Variants in LIFR observed in about 807,000 individuals in gnomAD.
The protein encoded by LIFR is leukemia inhibitory factor receptor.
A neutral mutation model predicts 122.2 loss-of-function variants in LIFR; 84 were observed. The ratio of observed to expected loss-of-function variants is 0.69; its 90% CI spans 0.58 to 0.82. The LOEUF is 0.82. Among genes scored for constraint, LIFR ranks in the 40% least tolerant of loss-of-function variants. The probability of loss-of-function intolerance (pLI) is 0.00; values close to 1 mark genes in which losing one functional copy is unlikely to be tolerated. For missense variants in LIFR, 1,294 were observed against 1,311.6 expected (o/e 0.99, Z 0.21); for synonymous variants, 422 against 434.7 (o/e 0.97, Z 0.36).
chr5:38,592,440 C>T (rs2010129), intron 1 of LIFR, among the ~76,000 whole-genome samples: 125,607 of 152,128 alleles, frequency 0.83, 52,023 homozygotes, highest in East Asian at 0.96. Flanking sequence ...GGCAGATCAG[C>T]TGAGGCCAGG....
chr5:38,492,767 G>A (rs1037893699), intron 14 of LIFR, among the ~76,000 whole-genome samples: 1 of 152,118 alleles, frequency 6.6e-6, no homozygotes, highest in East Asian at 1.9e-4. Context: ...TCCCTAACAC[G>A]CGAGGGAGGC....
chr5:38,530,510 T>A lies in LIFR; in HGVS notation c.138A>T (p.Lys46Asn). The change falls in exon 2 of 20, where the codon AAA (lysine) becomes AAT (asparagine). Residue 46 changes from lysine (K) to asparagine (N), a missense_variant. Lys to Asn is a moderately conservative substitution (Grantham distance 94, BLOSUM62 0). Coordinates refer to ENST00000453190, the MANE Select transcript of LIFR (RefSeq NM_001127671.2). ...CTGGAAGGCTGATGCACTTACCCTTTTTCTGGCTATTTACTTGATTCATTA... is the reference window on the plus strand; with the variant it reads ...CTGGAAGGCTGATGCACTTACCCTTATTCTGGCTATTTACTTGATTCATTA... ...LYLMNQVNSQKKGAPHDLKCV... is the reference protein window; with the variant it reads ...LYLMNQVNSQNKGAPHDLKCV... The A allele has an allele frequency of 6.2e-7, 1 of 1,612,366 alleles. No individual in the cohort carries two copies. The highest frequency in any genetic ancestry group is 8.5e-7 in the Non-Finnish European group (1 of 1,178,450).
chr5:38,552,494 A>T (rs1382592285), intron 1 of LIFR, among the ~76,000 whole-genome samples: 1 of 152,238 alleles, frequency 6.6e-6, no homozygotes, highest in East Asian at 1.9e-4. Context: ...CATCTGGCCC[A>T]AAGAATTAAA....
chr5:38,499,799 G>A (rs1003532650), intron 11 of LIFR, among the ~76,000 whole-genome samples: 1 of 152,134 alleles, frequency 6.6e-6, no homozygotes, highest in Non-Finnish European at 1.5e-5. Context: ...CTGCAGGCCA[G>A]CTGTACTGAT....
At chr5:38,538,862 C>G (rs1387855848) in intron 1 of LIFR, among the ~76,000 whole-genome samples, 1 of 152,220 alleles carries the variant, frequency 6.6e-6, no homozygotes, top group Non-Finnish European at 1.5e-5. Flanking sequence ...GCTGGCCCAC[C>G]AACAGCTCAG....
At chr5:38,530,734 C>T in intron 1 of LIFR, 68 bp from the exon 2 acceptor site, 1 of 1,272,072 alleles carries the variant, frequency 7.9e-7, no homozygotes, top group South Asian at 1.2e-5. Context: ...ACTGTGCACA[C>T]AAACACTCAA....
intron 19 of LIFR, 87 bp from the exon 20 acceptor site, chr5:38,482,305 CA>C: frequency 1.5e-6 from 2 of 1,324,582 alleles, no homozygotes; most frequent in Non-Finnish European, 2.1e-6. Context: ...CATTTTTCCC[CA>C]ATCTGCTTGT....
At chr5:38,569,963 C>G (rs113349216) in intron 1 of LIFR, among the ~76,000 whole-genome samples, 1 of 151,970 alleles carries the variant, frequency 6.6e-6, no homozygotes, top group Non-Finnish European at 1.5e-5. Context: ...GGTGGACTCC[C>G]GATAAGTGTT....
chr5:38,595,727 C>A (rs199680870), upstream of LIFR, among the ~76,000 whole-genome samples: 1 of 91,976 alleles, frequency 1.1e-5, no homozygotes. Flanking sequence ...CACAATAGGT[C>A]TTTTTTTTTT....
chr5:38,491,781 C>T (rs933158542), intron 14 of LIFR, among the ~76,000 whole-genome samples: 11 of 152,204 alleles, frequency 7.2e-5, no homozygotes, highest in African/African-American at 2.4e-4. Context: ...TGTGCTGGCA[C>T]GTCCTAAGTA....
intron 1 of LIFR, among the ~76,000 whole-genome samples, chr5:38,566,811 A>G (rs1257836347): frequency 6.6e-6 from 1 of 152,206 alleles, no homozygotes; most frequent in African/African-American, 2.4e-5. Context: ...TCCTGGCTTT[A>G]GAAATGTTCA....
chr5:38,482,110 A>T lies in LIFR; in HGVS notation c.2779T>A (p.Ser927Thr). The T allele has an allele frequency of 6.3e-7, 1 of 1,587,514 alleles. No homozygotes were observed. Among genetic ancestry groups the T allele is most frequent in the Non-Finnish European group, 8.5e-7 (1 of 1,169,950 alleles). The change falls in exon 20 of 20, where the codon TCC (serine) becomes ACC (threonine). Residue 927 changes from serine to threonine, a missense_variant. Ser to Thr is a moderately conservative substitution (Grantham distance 58, BLOSUM62 1). Coordinates refer to ENST00000453190, the MANE Select transcript of LIFR (RefSeq NM_001127671.2). ...TCTTCAGGACGCTCAGCTACTGGGG[A>T]AATTATTTCTGTATCTTCTATTTTA... Reference protein sequence around the residue: ...FPKIEDTEIISPVAERPEDRS... With the variant: ...FPKIEDTEIITPVAERPEDRS...
chr5:38,601,595 A>G (rs1326675544), intron 2 of LIFR, among the ~76,000 whole-genome samples: 1 of 152,194 alleles, frequency 6.6e-6, no homozygotes, highest in Non-Finnish European at 1.5e-5. Context: ...ACTGATTTCC[A>G]GACCACATTT....
rs1387129775 is a variant in LIFR at position 38,511,924 on chromosome 5, T to G, written c.602A>C (p.His201Pro). 1 of 1,614,152 alleles carries G rather than the reference T, an allele frequency of 6.2e-7. No individual in the cohort carries two copies. Among genetic ancestry groups the G allele is most frequent in the Non-Finnish European group, 8.5e-7 (1 of 1,180,010 alleles). ...NTTLNGKDTL[H>P]HWSWASDMPL... is the part of the protein sequence containing the mutation. ...CATATCTGAGGCCCAACTCCAGTGA[T>G]GAAGTGTATCTTTGCCATTCAGAGT... Residue 201 changes from histidine to proline, a missense_variant, in exon 6 of 20, where the codon CAT becomes CCT. Physicochemically the swap from His to Pro is moderately conservative, Grantham distance 77 (BLOSUM62 -2). Coordinates refer to ENST00000453190, the MANE Select transcript of LIFR (RefSeq NM_001127671.2).
At chr5:38,545,147 G>A (rs1747805642) in intron 1 of LIFR, among the ~76,000 whole-genome samples, 1 of 152,028 alleles carries the variant, frequency 6.6e-6, no homozygotes, top group African/African-American at 2.4e-5. Context: ...GCGGACGCCT[G>A]TAGTCTCAGC....
intron 2 of LIFR, chr5:38,606,202 C>T (rs1384189890): frequency 6.6e-6 from 1 of 152,156 alleles, no homozygotes; most frequent in East Asian, 1.9e-4. Context: ...TTAATTGGCT[C>T]ACCATAGCTC....
intron 2 of LIFR, among the ~76,000 whole-genome samples, chr5:38,529,188 T>C (rs1436103049): frequency 2.6e-5 from 4 of 151,978 alleles, no homozygotes; most frequent in Non-Finnish European, 4.4e-5. Context: ...TGGCTAGTCA[T>C]GTAGATTCAA....
intron 1 of LIFR, among the ~76,000 whole-genome samples, chr5:38,551,270 T>C (rs1028218545): frequency 1.3e-5 from 2 of 152,166 alleles, no homozygotes; most frequent in African/African-American, 4.8e-5. Context: ...TGGCATCCTG[T>C]CCCCATGCAG....
Position 38,504,244 on chromosome 5 carries a change from T to TA in LIFR, c.1292-124dup. On this transcript the variant is annotated intron_variant, in intron 9 of 19. Transcript: ENST00000453190. ...TCATTAGTGCTGACCAACAACATCCTACCCAGTATTTGTGGAATTGACAAA... is the reference window on the plus strand; with the variant it reads ...TCATTAGTGCTGACCAACAACATCCTAACCCAGTATTTGTGGAATTGACAAA... 4.4e-6 allele frequency: 3 copies of TA among 675,766 alleles called. No homozygotes were observed. In the East Asian group the frequency reaches 8.1e-5, roughly 18 times the overall value. 41.9% of individuals were successfully genotyped at this position (675,766 alleles called of 1,614,324 possible).
Sources: allele counts gnomAD v4.1 joint callset (sites outside exome capture counted in the v4.1 genomes callset), GRCh38; gene constraint gnomAD v4.1.1; transcripts MANE v1.5; gene names NCBI Gene and HGNC (gene_info 2026-07-23, HGNC 2026-07-21).